Variants in IGFL2 observed in about 807,000 individuals in gnomAD.
IGFL2 encodes insulin growth factor-like family member 2.
Under a neutral mutation model 13.9 loss-of-function variants are expected in IGFL2, and 7 were observed. That is an observed-to-expected ratio of 0.51 (90% CI 0.29 to 0.95). The LOEUF (loss-of-function observed/expected upper bound fraction) is 0.95, where lower values mean the gene tolerates loss of function less well. Ranked by LOEUF, IGFL2 falls within the 40% of genes least tolerant of loss-of-function variation. The pLI is 0.08. For missense variants in IGFL2, 138 were observed against 147.8 expected (o/e 0.93, Z 0.34); for synonymous variants, 55 against 55.8 (o/e 0.99, Z 0.07).
chr19:46,111,638 C>T, the IGFL2 span: 2 of 152,224 alleles, frequency 1.3e-5, no homozygotes, highest in African/African-American at 4.8e-5. Flanking sequence ...AACTGTTTCA[C>T]AGTCATGGTG....
At chr19:46,161,452 G>A (rs1036673718), downstream of IGFL2, among the ~76,000 whole-genome samples, 5 of 151,540 alleles carry the variant, frequency 3.3e-5, no homozygotes. Context: ...TTATTGTGTG[G>A]GAGTCTAAGT....
At chr19:46,155,170 G>T (rs1277722712) in intron 1 of IGFL2, among the ~76,000 whole-genome samples, 1 of 152,228 alleles carries the variant, frequency 6.6e-6, no homozygotes, top group Non-Finnish European at 1.5e-5. Flanking sequence ...GCTAGGAGGA[G>T]GGGCTGGATG....
At chr19:46,214,873 A>T in the IGFL2 span, 12 of 146,592 alleles carry the variant, frequency 8.2e-5, no homozygotes, top group African/African-American at 3.0e-4. Context: ...AGAAAAACAG[A>T]AGCAAACACA....
the IGFL2 span, among the ~76,000 whole-genome samples, chr19:46,169,495 T>G: frequency 6.6e-6 from 1 of 152,220 alleles, no homozygotes; most frequent in Non-Finnish European, 1.5e-5. Flanking sequence ...GATAAATAAA[T>G]AAATCTGTAT....
intron 1 of IGFL2, chr19:46,159,568 A>T (rs1167073750): frequency 6.6e-6 from 1 of 152,178 alleles, no homozygotes; most frequent in East Asian, 1.9e-4. Flanking sequence ...ACCTGCCTGT[A>T]CATGCTTTCA....
the IGFL2 span, among the ~76,000 whole-genome samples, chr19:46,115,051 T>C: frequency 6.6e-6 from 1 of 152,222 alleles, no homozygotes; most frequent in Admixed American, 6.5e-5. Context: ...TGTTCATCCA[T>C]AGCCCTAGTG....
chr19:46,143,060 C>T (rs971545871), upstream of IGFL2: 3 of 152,208 alleles, frequency 2.0e-5, no homozygotes, highest in African/African-American at 7.2e-5. Context: ...GTTTGAACAA[C>T]ACAGGCTTGA....
At chr19:46,200,492 T>TTCTTTTCTTTTCTTTTCTTTTC in the IGFL2 span, among the ~76,000 whole-genome samples, 4 of 149,288 alleles carry the variant, frequency 2.7e-5, no homozygotes, top group African/African-American at 9.9e-5. Context: ...TTCTTTTCTT[T>TTCTTTTCTTTTCTTTTCTTTTC]TCTTTTCTTT....
chr19:46,080,212 C>T, the IGFL2 span, among the ~76,000 whole-genome samples: 2,236 of 152,216 alleles, frequency 0.015, 48 homozygotes, highest in African/African-American at 0.049. Flanking sequence ...TAACTTTTAT[C>T]CTGGGGCAGG....
chr19:46,142,151 T>A (rs754388644), upstream of IGFL2, among the ~76,000 whole-genome samples: 15 of 152,190 alleles, frequency 9.9e-5, no homozygotes, highest in Non-Finnish European at 1.5e-4. Context: ...AATAATGACT[T>A]ACAAGCATCC....
intron 1 of IGFL2, among the ~76,000 whole-genome samples, chr19:46,154,260 A>C (rs1465046709): frequency 1.3e-5 from 2 of 152,042 alleles, no homozygotes; most frequent in African/African-American, 4.8e-5. Flanking sequence ...AGACTCCTCT[A>C]ATTGTTAATT....
At chr19:46,166,416 G>T in the IGFL2 span, among the ~76,000 whole-genome samples, 4 of 152,170 alleles carry the variant, frequency 2.6e-5, no homozygotes, top group Admixed American at 2.0e-4. Context: ...GTATTTAACA[G>T]GGTAATAGAA....
At chr19:46,104,352 A>C in the IGFL2 span, among the ~76,000 whole-genome samples, 2 of 152,178 alleles carry the variant, frequency 1.3e-5, no homozygotes, top group Non-Finnish European at 2.9e-5. Context: ...AAAGACCATT[A>C]GTCCGTTCTA....
the IGFL2 span, among the ~76,000 whole-genome samples, chr19:46,124,913 T>C: frequency 6.6e-6 from 1 of 150,630 alleles, no homozygotes; most frequent in Non-Finnish European, 1.5e-5. Context: ...GCATTCTCCA[T>C]ATACTATTGC....
At chr19:46,199,672 G>T in the IGFL2 span, among the ~76,000 whole-genome samples, 2 of 152,142 alleles carry the variant, frequency 1.3e-5, no homozygotes, top group Non-Finnish European at 2.9e-5. Context: ...CTCTCCTCGG[G>T]ACACAATCCT....
chr19:46,206,883 C>G, the IGFL2 span: 6 of 152,148 alleles, frequency 3.9e-5, no homozygotes, highest in African/African-American at 1.2e-4. Context: ...CCACCCATGA[C>G]AGCGAGTGGG....
At chr19:46,149,437 A>G (rs1461426471) in intron 1 of IGFL2, among the ~76,000 whole-genome samples, 2 of 150,476 alleles carry the variant, frequency 1.3e-5, no homozygotes, top group Non-Finnish European at 3.0e-5. Context: ...AGTTGAAGGA[A>G]GAGTAGCTCA....
intron 1 of IGFL2, among the ~76,000 whole-genome samples, chr19:46,152,863 C>T (rs1973582596): frequency 1.3e-5 from 2 of 152,128 alleles, no homozygotes; most frequent in Non-Finnish European, 2.9e-5. Flanking sequence ...CTAGTTTGTT[C>T]TTTGTATTTT....
At chr19:46,204,887 C>T in the IGFL2 span, 2 of 152,314 alleles carry the variant, frequency 1.3e-5, no homozygotes, top group African/African-American at 4.8e-5. Context: ...AAGCGCTTCT[C>T]CTGCCTCAGC....
Sources: allele counts gnomAD v4.1 joint callset (sites outside exome capture counted in the v4.1 genomes callset), GRCh38; gene constraint gnomAD v4.1.1; transcripts MANE v1.5; gene names NCBI Gene and HGNC (gene_info 2026-07-23, HGNC 2026-07-21).